The following NHS variants were observed in gnomAD, a reference collection of about 807,000 sequenced individuals.
NHS encodes NHS actin remodeling regulator.
In NHS, 5 loss-of-function variants were observed where a neutral mutation model predicts 72.5. The observed-to-expected ratio is 0.07, with a 90% CI of 0.04 to 0.14. The LOEUF is 0.14. NHS is among the 10% of genes least tolerant of loss of function. The pLI, the probability that NHS is intolerant of heterozygous loss-of-function variation, is 1.00. For missense variants in NHS, 1,072 were observed against 1,355.7 expected, an observed-to-expected ratio of 0.79 and a Z score of 3.29; for synonymous variants, 464 against 547.7, an observed-to-expected ratio of 0.85 and a Z score of 2.13.
chrX:17,392,386 AAC>A (rs1275381789), intron 1 of NHS, among the ~76,000 whole-genome samples: 1 of 112,421 alleles, frequency 8.9e-6, no homozygotes, highest in African/African-American at 3.2e-5. Flanking sequence ...AACCATGACT[AAC>A]ACAGAGGTAC....
At chrX:17,418,145 C>G (rs2064605954) in intron 1 of NHS, among the ~76,000 whole-genome samples, 1 of 111,839 alleles carries the variant, frequency 8.9e-6, no homozygotes, top group Non-Finnish European at 1.9e-5. Context: ...AAGGTGCTGT[C>G]CTTGTCCATC....
intron 1 of NHS, among the ~76,000 whole-genome samples, chrX:17,626,823 C>T (rs4825269): frequency 0.25 from 27,338 of 111,390 alleles, 6,124 homozygotes; most frequent in African/African-American, 0.71. Flanking sequence ...AACATCTGTA[C>T]AGAGTTATTT....
At position 17,516,571 on chromosome X, in the gene NHS, G is replaced by A. The variant is rs200744814; in HGVS notation, c.565+140249G>A. Among the ~76,000 whole-genome samples the A allele has an allele frequency of 3.3e-3, 299 of 91,758 alleles. 2 individuals are homozygous for A. The highest frequency in any genetic ancestry group is 0.011 in the African/African-American group (255 of 23,310). 79.7% of individuals were successfully genotyped at this position (91,758 alleles called of 115,157 possible). A position where few individuals can be genotyped will look rare whatever the true frequency, so the allele number is the denominator to read the frequency against. On this transcript the variant is annotated intron_variant, in intron 1 of 8. Coordinates refer to ENST00000676302, the MANE Select transcript of NHS (RefSeq NM_001291867.2). Reference sequence around the variant, plus strand: ...TTTAACTTACAACACACACACACGCGCACACACACACACACACACACACAC... The same window carrying A: ...TTTAACTTACAACACACACACACGCACACACACACACACACACACACACAC...
At chrX:17,646,514 C>A (rs963303962) in intron 1 of NHS, among the ~76,000 whole-genome samples, 3 of 111,624 alleles carry the variant, frequency 2.7e-5, no homozygotes, top group Non-Finnish European at 3.8e-5. Context: ...ACAAGGAAAC[C>A]TTCCCTCCCA....
intron 1 of NHS, among the ~76,000 whole-genome samples, chrX:17,386,924 G>T (rs1195996116): frequency 9.0e-6 from 1 of 111,720 alleles, no homozygotes; most frequent in Non-Finnish European, 1.9e-5. Context: ...TTTCCAATCA[G>T]TGGTGATGGT....
At chrX:17,632,814 T>C (rs1356137715) in intron 1 of NHS, among the ~76,000 whole-genome samples, 1 of 112,050 alleles carries the variant, frequency 8.9e-6, no homozygotes, top group African/African-American at 3.2e-5. Flanking sequence ...ATTATTATTG[T>C]TGTTGCTATT....
chrX:17,405,051 G>A (rs1357218986), intron 1 of NHS, among the ~76,000 whole-genome samples: 1 of 111,927 alleles, frequency 8.9e-6, no homozygotes, highest in Non-Finnish European at 1.9e-5. Context: ...CAATGTGGGT[G>A]TTCAGTAGAT....
In NHS at chrX:17,673,257, A is replaced by G. The variant is rs979700705; in HGVS notation, c.566-14485A>G. ...ACACACAAGAAAGCTCGTCTGAGCCAGGGACTAAGACACTTCCCTTTACAT... is the reference window on the plus strand; with the variant it reads ...ACACACAAGAAAGCTCGTCTGAGCCGGGGACTAAGACACTTCCCTTTACAT... On this transcript the variant is annotated intron_variant, in intron 1 of 8. Transcript: ENST00000676302. Among the ~76,000 whole-genome samples, 3 of 107,020 alleles carry G rather than the reference A, an allele frequency of 2.8e-5. No homozygotes were observed. In the East Asian group the frequency reaches 8.9e-4, roughly 32 times the overall value. The allele number at this position is 107,020 out of a possible 115,157, so 92.9% of individuals were successfully genotyped here.
intron 1 of NHS, among the ~76,000 whole-genome samples, chrX:17,416,102 T>C (rs2064592729): frequency 9.0e-6 from 1 of 111,695 alleles, no homozygotes. Context: ...AGAGGGCTTG[T>C]GCATGGGTGG....
intron 1 of NHS, among the ~76,000 whole-genome samples, chrX:17,617,942 C>T: frequency 8.9e-6 from 1 of 112,278 alleles, no homozygotes; most frequent in East Asian, 2.8e-4. Flanking sequence ...CAAGGCATCC[C>T]TCAGCTATGG....
chrX:17,470,575 C>T (rs2064888249), intron 1 of NHS, among the ~76,000 whole-genome samples: 1 of 111,873 alleles, frequency 8.9e-6, no homozygotes. Context: ...GTAAGTACTA[C>T]TGGCCCTTAT....
chrX:17,427,796 T>A (rs1334737185), intron 1 of NHS, among the ~76,000 whole-genome samples: 9 of 112,662 alleles, frequency 8.0e-5, no homozygotes, highest in Non-Finnish European at 1.5e-4. Context: ...ATATATTTTT[T>A]AAAAAATCAA....
At chrX:17,433,414 T>A (rs1404560325) in intron 1 of NHS, among the ~76,000 whole-genome samples, 1 of 110,208 alleles carries the variant, frequency 9.1e-6, no homozygotes, top group Non-Finnish European at 1.9e-5. Flanking sequence ...TCACTGTTGC[T>A]GTGCTTCTTT....
Position 17,375,354 on chromosome X carries a change from C to G in NHS, c.-404C>G, listed in dbSNP as rs1422420800. The G allele has an allele frequency of 3.0e-6, 1 of 329,878 alleles. No individual in the cohort carries two copies. Among genetic ancestry groups the G allele is most frequent in the Non-Finnish European group, 5.2e-6 (1 of 192,885 alleles). 27.2% of individuals were successfully genotyped at this position (329,878 alleles called of 1,213,427 possible). A position where few individuals can be genotyped will look rare whatever the true frequency, so the allele number is the denominator to read the frequency against. On this transcript the variant is annotated 5_prime_UTR_variant, in exon 1 of 9. Coordinates refer to ENST00000676302, the MANE Select transcript of NHS (RefSeq NM_001291867.2). ...GCACACACTCACACCCACCCACCCA[C>G]TCACCCACACACACACAGACACACG...
intron 1 of NHS, among the ~76,000 whole-genome samples, chrX:17,522,042 C>G (rs1234157326): frequency 8.9e-6 from 1 of 112,517 alleles, no homozygotes; most frequent in Admixed American, 9.4e-5. Context: ...GTCAAGATAC[C>G]TTGCTCTCTG....
chrX:17,637,309 C>T (rs1016314110), intron 1 of NHS, among the ~76,000 whole-genome samples: 2 of 111,905 alleles, frequency 1.8e-5, no homozygotes, highest in Non-Finnish European at 3.8e-5. Context: ...GATGAGAAAG[C>T]CTTTAGAATA....
chrX:17,717,549 G>A (rs941738420), intron 3 of NHS, among the ~76,000 whole-genome samples: 13 of 112,774 alleles, frequency 1.2e-4, no homozygotes, highest in African/African-American at 4.2e-4. Flanking sequence ...AAAAGTTTCA[G>A]TGGCCTTCTC....
intron 1 of NHS, among the ~76,000 whole-genome samples, chrX:17,651,500 C>G (rs1440599911): frequency 8.9e-6 from 1 of 112,372 alleles, no homozygotes; most frequent in Non-Finnish European, 1.9e-5. Flanking sequence ...TCTCACTTTC[C>G]TTGCAGTTTA....
intron 1 of NHS, among the ~76,000 whole-genome samples, chrX:17,640,391 C>T (rs2065875021): frequency 1.8e-5 from 2 of 111,681 alleles, no homozygotes; most frequent in South Asian, 3.8e-4. Context: ...GCTGCACCCC[C>T]GGCTCCTGAA....
Sources: gnomAD v4.1 joint callset for allele counts (sites outside exome capture counted in the v4.1 genomes callset) on GRCh38, gnomAD v4.1.1 for gene constraint, MANE v1.5 for transcripts, NCBI Gene and HGNC (gene_info 2026-07-23, HGNC 2026-07-21) for gene names.